Variants in SBF2 observed in about 807,000 individuals in gnomAD.
SBF2 encodes the protein SET binding factor 2.
In SBF2, 112 loss-of-function variants were observed where a neutral mutation model predicts 225.2. The observed-to-expected ratio is 0.50, with a 90% confidence interval of 0.43 to 0.58. The LOEUF is 0.58. Ranked by LOEUF, SBF2 falls within the 20% of genes least tolerant of loss-of-function variation. The pLI is 0.00. For synonymous variants in SBF2, 763 were observed against 773.3 expected (o/e 0.99, Z 0.22); for missense variants, 1,996 against 2,206.2 (o/e 0.90, Z 1.91).
At chr11:10,102,894 T>A (rs1442422228) in intron 2 of SBF2, among the ~76,000 whole-genome samples, 2 of 152,218 alleles carry the variant, frequency 1.3e-5, no homozygotes, top group African/African-American at 4.8e-5. Flanking sequence ...ATTTATAAAA[T>A]TTTATTTAAA....
At position 9,856,623 on chromosome 11, in the gene SBF2, T is replaced by C; in HGVS notation, c.2198A>G (p.Gln733Arg). The C allele has an allele frequency of 6.2e-7, 1 of 1,614,192 alleles. No homozygotes were observed. Among genetic ancestry groups the C allele is most frequent in the Non-Finnish European group, 8.5e-7 (1 of 1,180,032 alleles). ...GCTTTCCTCATGTTGCACTAGCTCT[T>C]GCTGAGTTGACTTGCTCAGGGTAGG... Reference protein sequence around the residue: ...LWPTLSKSTQQELVQHEESTV... With the variant: ...LWPTLSKSTQRELVQHEESTV... The change falls in exon 19 of 40, where the codon CAA becomes CGA. Residue 733 changes from glutamine to arginine, a missense_variant. Gln to Arg is a conservative substitution (Grantham distance 43). Coordinates refer to ENST00000256190, the MANE Select transcript of SBF2 (RefSeq NM_030962.4).
chr11:10,030,792 T>C (rs1014060036), intron 4 of SBF2, among the ~76,000 whole-genome samples: 1 of 152,196 alleles, frequency 6.6e-6, no homozygotes, highest in Non-Finnish European at 1.5e-5. Context: ...GATGTATACA[T>C]TCTGGATTCA....
chr11:10,284,686 C>A (rs906487983), intron 1 of SBF2, among the ~76,000 whole-genome samples: 1 of 152,162 alleles, frequency 6.6e-6, no homozygotes, highest in Non-Finnish European at 1.5e-5. Context: ...ACACAGCTCA[C>A]TGCAGCCTCG....
At chr11:10,071,707 G>A (rs1423584129) in intron 2 of SBF2, among the ~76,000 whole-genome samples, 1 of 152,154 alleles carries the variant, frequency 6.6e-6, no homozygotes, top group Non-Finnish European at 1.5e-5. Flanking sequence ...TAGCATGAAG[G>A]GCTGTTGAAT....
At chr11:10,087,016 G>C (rs184395591) in intron 2 of SBF2, among the ~76,000 whole-genome samples, 2 of 152,308 alleles carry the variant, frequency 1.3e-5, no homozygotes, top group Admixed American at 6.5e-5. Context: ...AAGATGCTAT[G>C]TAAATGTAAG....
At chr11:9,921,316 C>T (rs1367305655) in intron 16 of SBF2, among the ~76,000 whole-genome samples, 3 of 152,198 alleles carry the variant, frequency 2.0e-5, no homozygotes, top group Admixed American at 6.5e-5. Context: ...GTTATCCGCC[C>T]GCCTGGGCCT....
intron 2 of SBF2, among the ~76,000 whole-genome samples, chr11:10,045,375 C>CAGGCT (rs1171826922): frequency 6.6e-6 from 1 of 152,064 alleles, no homozygotes; most frequent in Non-Finnish European, 1.5e-5. Context: ...CAATGTTGGC[C>CAGGCT]AGGCTGGTCT....
chr11:10,206,337 A>G (rs1957751178), intron 1 of SBF2, among the ~76,000 whole-genome samples: 1 of 151,746 alleles, frequency 6.6e-6, no homozygotes, highest in Non-Finnish European at 1.5e-5. Flanking sequence ...AACACTGAAA[A>G]GGCTCTGAAA....
chr11:9,973,083 G>A (rs766783902), intron 13 of SBF2, among the ~76,000 whole-genome samples: 9 of 152,092 alleles, frequency 5.9e-5, no homozygotes, highest in Non-Finnish European at 1.3e-4. Flanking sequence ...GCCCTCTAAC[G>A]GGCAGCATGA....
At chr11:9,973,157 G>C (rs1463992452) in intron 13 of SBF2, among the ~76,000 whole-genome samples, 1 of 152,162 alleles carries the variant, frequency 6.6e-6, no homozygotes, top group Non-Finnish European at 1.5e-5. Flanking sequence ...CTTTTGAGAA[G>C]ACAATAGCAA....
At chr11:9,938,218 C>G (rs1048340113) in intron 16 of SBF2, among the ~76,000 whole-genome samples, 23 of 151,328 alleles carry the variant, frequency 1.5e-4, no homozygotes, top group African/African-American at 5.3e-4. Flanking sequence ...GAGAACCCGG[C>G]AGGTGGAGCT....
intron 1 of SBF2, among the ~76,000 whole-genome samples, chr11:10,263,641 A>G (rs1272151909): frequency 1.3e-5 from 2 of 152,170 alleles, no homozygotes; most frequent in African/African-American, 4.8e-5. Context: ...GGGTTTGTAT[A>G]AAATCTCTGC....
At chr11:10,113,539 T>C (rs11042632) in intron 2 of SBF2, among the ~76,000 whole-genome samples, 33,401 of 152,060 alleles carry the variant, frequency 0.22, 4,250 homozygotes, top group Non-Finnish European at 0.3. Context: ...TTCAGTGAAA[T>C]ATTTATTGAG....
At position 9,992,448 on chromosome 11, in the gene SBF2, A is replaced by G; in HGVS notation, c.1263T>C (p.Gly421=). 2 of 1,613,212 alleles carry G rather than the reference A, an allele frequency of 1.2e-6. No homozygotes were observed. Among genetic ancestry groups the G allele is most frequent in the Non-Finnish European group, 8.5e-7 (1 of 1,179,390 alleles). The stretch of plus-strand genomic sequence containing the variant: ...AGAGATCACAAGATCTATAAGGAGG[A>G]CCTCTTTCTGAAACAAAACCTGCAA... ...MAFAGFVSER[G]PPYRSCDLFD... is the part of the protein sequence containing the mutation. The change falls in exon 12 of 40, where the codon GGT becomes GGC. Residue 421 remains glycine, a synonymous_variant. Coordinates refer to ENST00000256190, the MANE Select transcript of SBF2 (RefSeq NM_030962.4).
intron 1 of SBF2, among the ~76,000 whole-genome samples, chr11:10,291,931 G>A (rs997800306): frequency 1.3e-5 from 2 of 152,156 alleles, no homozygotes; most frequent in African/African-American, 2.4e-5. Flanking sequence ...TCCTTCCCAC[G>A]TGCATATTCG....
intron 2 of SBF2, among the ~76,000 whole-genome samples, chr11:10,193,560 A>AG (rs777861584): frequency 3.3e-5 from 5 of 151,866 alleles, no homozygotes; most frequent in Non-Finnish European, 7.4e-5. Flanking sequence ...TCACCGTGTT[A>AG]CCAGGATGGT....
chr11:10,079,332 T>C (rs972021155), intron 2 of SBF2, among the ~76,000 whole-genome samples: 1 of 152,170 alleles, frequency 6.6e-6, no homozygotes, highest in Non-Finnish European at 1.5e-5. Context: ...ACTACATCAG[T>C]ATCTACATTT....
In SBF2 at chr11:10,117,704, C is replaced by G. The variant is rs559845737; in HGVS notation, c.142-74723G>C. On this transcript the variant is annotated intron_variant, in intron 2 of 39. Coordinates refer to ENST00000256190, the MANE Select transcript of SBF2 (RefSeq NM_030962.4). ...TTAATTATGGATTTGCTTAGAGACACAAAGATATATTTGAACTTGGGAAAG... is the reference window on the plus strand; with the variant it reads ...TTAATTATGGATTTGCTTAGAGACAGAAAGATATATTTGAACTTGGGAAAG... Among the ~76,000 whole-genome samples the G allele has an allele frequency of 3.3e-5, 5 of 150,924 alleles. No individual in the cohort carries two copies. In the South Asian group the frequency reaches 1.0e-3, roughly 32 times the overall value.
chr11:10,231,534 C>G (rs865920155), intron 1 of SBF2, among the ~76,000 whole-genome samples: 1 of 152,148 alleles, frequency 6.6e-6, no homozygotes, highest in South Asian at 2.1e-4. Context: ...ACAGTCAGGA[C>G]CCTCAGCTTC....
Sources: allele counts gnomAD v4.1 joint callset (sites outside exome capture counted in the v4.1 genomes callset), GRCh38; gene constraint gnomAD v4.1.1; transcripts MANE v1.5; gene names NCBI Gene and HGNC (gene_info 2026-07-23, HGNC 2026-07-21).